Variants in F9 observed in about 807,000 individuals in gnomAD.
F9 encodes the protein coagulation factor IX.
A neutral mutation model predicts 34.1 loss-of-function variants in F9; 2 were observed. The observed-to-expected ratio is 0.06, with a 90% CI of 0.02 to 0.18. The LOEUF (loss-of-function observed/expected upper bound fraction) is 0.18. Ranked by LOEUF, F9 falls within the 10% of genes least tolerant of loss-of-function variation. The probability of loss-of-function intolerance (pLI) is 1.00; values close to 1 mark genes in which losing one functional copy is unlikely to be tolerated. For synonymous variants in F9, 137 were observed against 118.8 expected, an observed-to-expected ratio of 1.15 and a Z score of -1.00; for missense variants, 216 against 345.1, an observed-to-expected ratio of 0.63 and a Z score of 2.96.
intron 1 of F9, among the ~76,000 whole-genome samples, chrX:139,536,660 G>A (rs1164860053): frequency 8.9e-6 from 1 of 111,842 alleles, no homozygotes; most frequent in Non-Finnish European, 1.9e-5. Flanking sequence ...CAGGGTGATG[G>A]ATCACTTTGC....
In F9 at chrX:139,548,488, G is replaced by A. The variant is rs865782271; in HGVS notation, c.517G>A (p.Ala173Thr). 1 of 1,209,100 alleles carries A rather than the reference G, an allele frequency of 8.3e-7. No homozygotes were observed. The highest frequency in any genetic ancestry group is 1.7e-5 in the African/African-American group (1 of 57,709). Residue 173 changes from alanine to threonine, a missense_variant, in exon 5 of 8, where the codon GCA (alanine) becomes ACA (threonine). This residue lies in a region of F9 where 177 missense variants were observed against 311.8 expected (regional missense o/e 0.57). Coordinates refer to ENST00000218099, the MANE Select transcript of F9 (RefSeq NM_000133.4). ...LAENQKSCEPAVPFPCGRVSV... is the reference protein window; with the variant it reads ...LAENQKSCEPTVPFPCGRVSV... ...AGAAAACCAGAAGTCCTGTGAACCA[G>A]CAGGTCATAATCTGAATAAGATTTT...
At chrX:139,533,003 C>T in intron 1 of F9, among the ~76,000 whole-genome samples, 1 of 111,109 alleles carries the variant, frequency 9.0e-6, no homozygotes, top group Non-Finnish European at 1.9e-5. Flanking sequence ...AGTCTGGCAA[C>T]ACGCTAATGA....
intron 1 of F9, among the ~76,000 whole-genome samples, chrX:139,531,338 G>A (rs1320687782): frequency 2.7e-5 from 3 of 112,082 alleles, no homozygotes; most frequent in Non-Finnish European, 5.6e-5. Flanking sequence ...ATGTAATGAG[G>A]TGTGTCTCTA....
chrX:139,560,742 T>C lies in F9; in HGVS notation c.725T>C (p.Val242Ala). The C allele has an allele frequency of 8.4e-7, 1 of 1,186,231 alleles. No homozygotes were observed. The highest frequency in any genetic ancestry group is 1.1e-6 in the Non-Finnish European group (1 of 872,465). ...AGAGTCTTAATTTTGTTTTCACAGG[T>C]TGTTTTGAATGGTAAAGTTGATGCA... ...DAKPGQFPWQ[V>A]VLNGKVDAFC... is the part of the protein sequence containing the mutation. The change falls in exon 7 of 8, where the codon GTT becomes GCT. Residue 242 changes from valine (V) to alanine (A), a missense_variant and splice_region_variant. Val to Ala is a moderately conservative substitution (Grantham distance 64, BLOSUM62 0). This residue lies in a region of F9 where 177 missense variants were observed against 311.8 expected (regional missense o/e 0.57). Transcript: ENST00000218099.
At chrX:139,531,409 C>T (rs894502550) in intron 1 of F9, among the ~76,000 whole-genome samples, 1 of 111,872 alleles carries the variant, frequency 8.9e-6, no homozygotes, top group Non-Finnish European at 1.9e-5. Context: ...ATTAACCTTT[C>T]ATTAGCAAGC....
chrX:139,531,104 T>G (rs932580332), intron 1 of F9, among the ~76,000 whole-genome samples: 1 of 112,036 alleles, frequency 8.9e-6, no homozygotes, highest in Non-Finnish European at 1.9e-5. Context: ...AGTTCATGAT[T>G]TGGTCATGTA....
intron 6 of F9, among the ~76,000 whole-genome samples, chrX:139,554,585 G>C (rs1022297841): frequency 1.8e-5 from 2 of 112,018 alleles, no homozygotes; most frequent in Non-Finnish European, 3.8e-5. Context: ...TTTGTGGATG[G>C]GCCAGCTCCA....
At chrX:139,560,636 C>T (rs914841059) in intron 6 of F9, 105 bp from the exon 7 acceptor site, 1 of 559,884 alleles carries the variant, frequency 1.8e-6, no homozygotes, top group Admixed American at 2.5e-5. Context: ...TTTCTGCCAG[C>T]ACCTAGAAGC....
At chrX:139,551,389 G>T in intron 6 of F9, 125 bp downstream of exon 6, 1 of 614,203 alleles carries the variant, frequency 1.6e-6, no homozygotes, top group Non-Finnish European at 2.7e-6. Flanking sequence ...GCAAGTTTCA[G>T]CACTAACCAA....
intron 1 of F9, among the ~76,000 whole-genome samples, chrX:139,536,732 G>C: frequency 8.9e-6 from 1 of 111,969 alleles, no homozygotes. Flanking sequence ...GCTCATTTGA[G>C]AACTTTCTTT....
intron 4 of F9, among the ~76,000 whole-genome samples, chrX:139,545,498 C>T (rs767615713): frequency 8.9e-6 from 1 of 111,757 alleles, no homozygotes; most frequent in East Asian, 2.8e-4. Context: ...TGGGATTAAA[C>T]TAATCTATTA....
At chrX:139,553,655 T>C (rs1024183648) in intron 6 of F9, among the ~76,000 whole-genome samples, 5 of 107,855 alleles carry the variant, frequency 4.6e-5, no homozygotes, top group Non-Finnish European at 9.6e-5. Flanking sequence ...CTTCCAAAAA[T>C]ACAAAAAATT....
chrX:139,542,399 C>G (rs1408188103), intron 4 of F9, among the ~76,000 whole-genome samples: 1 of 111,959 alleles, frequency 8.9e-6, no homozygotes, highest in Non-Finnish European at 1.9e-5. Context: ...AAACTAATGC[C>G]TGGGTTACCT....
intron 1 of F9, among the ~76,000 whole-genome samples, chrX:139,536,238 TG>T (rs1470502197): frequency 9.6e-6 from 1 of 103,643 alleles, no homozygotes; most frequent in African/African-American, 3.6e-5. Flanking sequence ...CACACATATA[TG>T]TATATATATG....
intron 3 of F9, among the ~76,000 whole-genome samples, chrX:139,540,842 T>C (rs1382971407): frequency 1.3e-4 from 15 of 111,898 alleles, no homozygotes. Flanking sequence ...ACTATGTACA[T>C]GCCTTCCTCA....
intron 4 of F9, among the ~76,000 whole-genome samples, chrX:139,542,757 T>C (rs187960923): frequency 9.7e-4 from 108 of 111,831 alleles, no homozygotes; most frequent in African/African-American, 3.5e-3. Flanking sequence ...CAACAGAGTT[T>C]GCTACGTGTG....
intron 1 of F9, among the ~76,000 whole-genome samples, chrX:139,534,924 TTC>T (rs2148354645): frequency 8.9e-6 from 1 of 111,840 alleles, no homozygotes; most frequent in Admixed American, 9.5e-5. Context: ...GGTGATTTTT[TTC>T]CTTCACAGTC....
At chrX:139,540,737 C>T (rs1368020439) in intron 3 of F9, among the ~76,000 whole-genome samples, 2 of 111,845 alleles carry the variant, frequency 1.8e-5, no homozygotes, top group Non-Finnish European at 3.8e-5. Flanking sequence ...TGCCATCATT[C>T]TATAAGGAAG....
chrX:139,539,573 C>T (rs769759943), intron 3 of F9, among the ~76,000 whole-genome samples: 91 of 112,539 alleles, frequency 8.1e-4, no homozygotes, highest in African/African-American at 1.8e-3. Flanking sequence ...CTCATTTTAA[C>T]GACATGTCTC....
Sources: allele counts gnomAD v4.1 joint callset (sites outside exome capture counted in the v4.1 genomes callset), GRCh38; gene constraint gnomAD v4.1.1; regional missense constraint gnomAD v4.1.1; transcripts MANE v1.5; gene names NCBI Gene and HGNC (gene_info 2026-07-23, HGNC 2026-07-21).